Variants in CCDC141 observed in about 807,000 individuals in gnomAD.
The protein encoded by CCDC141 is coiled-coil domain containing 141.
CCDC141 carries 168 observed loss-of-function variants against 181.0 expected under a neutral mutation model. That is an observed-to-expected ratio of 0.93 (90% CI 0.82 to 1.05). The LOEUF (loss-of-function observed/expected upper bound fraction) is 1.05. Ranked by LOEUF, CCDC141 falls within the 50% of genes least tolerant of loss-of-function variation. CCDC141 has a pLI of 0.00. For synonymous variants in CCDC141, 666 were observed against 642.3 expected, an observed-to-expected ratio of 1.04 and a Z score of -0.56; for missense variants, 1,902 against 1,788.5, an observed-to-expected ratio of 1.06 and a Z score of -1.14.
At chr2:179,033,232 A>G (rs974357613) in intron 2 of CCDC141, among the ~76,000 whole-genome samples, 3 of 149,078 alleles carry the variant, frequency 2.0e-5, no homozygotes, top group Non-Finnish European at 4.5e-5. Context: ...ATATTCAGAA[A>G]GAAATAACAT....
chr2:179,015,134 A>ATATATATCATC, intron 2 of CCDC141, among the ~76,000 whole-genome samples: 1 of 90,684 alleles, frequency 1.1e-5, no homozygotes, highest in Non-Finnish European at 2.1e-5. Context: ...TATATATCAT[A>ATATATATCATC]TCATATATAT....
chr2:179,015,338 TCATATATGTATCATACATATCC>T (rs1559049397), intron 2 of CCDC141, among the ~76,000 whole-genome samples: 1 of 117,844 alleles, frequency 8.5e-6, no homozygotes, highest in African/African-American at 3.1e-5. Flanking sequence ...CATACATATC[TCATATATGTATCATACATATCC>T]CATATATGTA....
In CCDC141 at chr2:178,865,979, A is replaced by T; in HGVS notation, c.2575-63T>A. 4.0e-6 allele frequency: 5 copies of T among 1,237,304 alleles called. No homozygotes were observed. The South Asian group carries it at 1.5e-4, about 37-fold the overall frequency. 76.6% of individuals were successfully genotyped at this position (1,237,304 alleles called of 1,614,324 possible). ...GAAACAGCAATAAGACGAGTAGGCTATTTACCTGAATTATGAAACTCATAA... is the reference window on the plus strand; with the variant it reads ...GAAACAGCAATAAGACGAGTAGGCTTTTTACCTGAATTATGAAACTCATAA... On this transcript the variant is annotated intron_variant, in intron 16 of 23. Coordinates refer to ENST00000443758, the MANE Select transcript of CCDC141 (RefSeq NM_173648.4).
At chr2:178,944,452 C>G (rs1056870886) in intron 6 of CCDC141, 83 bp downstream of exon 6, 2 of 553,976 alleles carry the variant, frequency 3.6e-6, no homozygotes, top group Non-Finnish European at 3.0e-6. Context: ...TCTCAGTTCT[C>G]CTCTAAATTA....
At chr2:178,961,682 C>T (rs557328888) in intron 4 of CCDC141, among the ~76,000 whole-genome samples, 199 bp from the exon 5 acceptor site, 1 of 152,284 alleles carries the variant, frequency 6.6e-6, no homozygotes, top group Non-Finnish European at 1.5e-5. Context: ...CTTAGCCGAA[C>T]AATTGTGATA....
At chr2:178,850,194 G>T in intron 20 of CCDC141, 33 bp from the exon 21 acceptor site, 1 of 1,194,596 alleles carries the variant, frequency 8.4e-7, no homozygotes, top group Non-Finnish European at 1.2e-6. Flanking sequence ...TAGTTTTAAA[G>T]GTCAAATTTT....
rs764854799 is a variant in CCDC141 at position 178,918,689 on chromosome 2, T to A, written c.1092+24A>T. ...TACTGGTCTGCCTGATTACCGAAAA[T>A]TATCAACTTGACCTCACACTGACCT... is the stretch of plus-strand genomic sequence containing the variant. On this transcript the variant is annotated intron_variant, in intron 7 of 23. Transcript: ENST00000443758. 41 of 1,540,892 alleles carry A rather than the reference T, an allele frequency of 2.7e-5. 1 individual carries two copies. The South Asian group carries it at 4.7e-4, about 18-fold the overall frequency.
rs575923093 is a variant in CCDC141, at chr2:178,833,402, A to C, written c.*771T>G. The C allele has an allele frequency of 6.6e-6, 1 of 152,354 alleles. No homozygotes were observed. The highest frequency in any genetic ancestry group is 2.1e-4 in the South Asian group (1 of 4,830). 9.4% of individuals were successfully genotyped at this position (152,354 alleles called of 1,614,324 possible). ...GCCATAAAGTATAAAAATGGTCATCAGCAGAATCAAGATTAGAAGCAGAAA... is the reference window on the plus strand; with the variant it reads ...GCCATAAAGTATAAAAATGGTCATCCGCAGAATCAAGATTAGAAGCAGAAA... On this transcript the variant is annotated 3_prime_UTR_variant, in exon 24 of 24. Coordinates refer to ENST00000443758, the MANE Select transcript of CCDC141 (RefSeq NM_173648.4).
chr2:178,977,261 A>C (rs1391520919), intron 3 of CCDC141, among the ~76,000 whole-genome samples: 1 of 152,182 alleles, frequency 6.6e-6, no homozygotes, highest in Non-Finnish European at 1.5e-5. Context: ...ATCATGGAGA[A>C]AATAAGCTAC....
chr2:178,890,291 T>A (rs868060446), intron 8 of CCDC141, among the ~76,000 whole-genome samples: 1 of 152,162 alleles, frequency 6.6e-6, no homozygotes, highest in African/African-American at 2.4e-5. Context: ...ACCTCTGAGT[T>A]GCCCTGTGTG....
At chr2:178,914,577 T>C (rs1688359227) in intron 7 of CCDC141, among the ~76,000 whole-genome samples, 1 of 152,206 alleles carries the variant, frequency 6.6e-6, no homozygotes, top group Admixed American at 6.5e-5. Flanking sequence ...AGGTAATCAA[T>C]TGCACTCCTG....
intron 2 of CCDC141, among the ~76,000 whole-genome samples, chr2:179,019,754 TTTA>T (rs1305293184): frequency 6.6e-6 from 1 of 151,544 alleles, no homozygotes; most frequent in Non-Finnish European, 1.5e-5. Flanking sequence ...TTTATAAATA[TTTA>T]TTATTTATTT....
intron 2 of CCDC141, among the ~76,000 whole-genome samples, chr2:179,040,742 C>T (rs1215693507): frequency 6.6e-6 from 1 of 152,198 alleles, no homozygotes; most frequent in East Asian, 1.9e-4. Context: ...ACATCATATT[C>T]CATGTTATAT....
chr2:178,842,748 A>G (rs892393612), intron 22 of CCDC141, among the ~76,000 whole-genome samples: 3 of 152,258 alleles, frequency 2.0e-5, no homozygotes, highest in African/African-American at 7.2e-5. Context: ...GATATTAAGC[A>G]TAGGACTTGG....
In CCDC141 at chr2:178,837,318, T is replaced by G. The variant is rs774155935; in HGVS notation, c.3901A>C (p.Thr1301Pro). The G allele has an allele frequency of 3.1e-6, 5 of 1,613,856 alleles. No homozygotes were observed. The South Asian group carries it at 5.5e-5, about 18-fold the overall frequency. ...CTCTTTTCCACGAATCCTCTGGAGG[T>G]TAGTGGGGGCTCAGCTTTGAACTGG... ...YLQFKAEPPLTSRGFVEKSTA... is the reference protein window; with the variant it reads ...YLQFKAEPPLPSRGFVEKSTA... The change falls in exon 23 of 24, where the codon ACC (threonine) becomes CCC (proline). Residue 1301 changes from threonine to proline, a missense_variant. By Grantham distance (38) the Thr-to-Pro change is conservative. Transcript: ENST00000443758.
At chr2:179,001,378 G>A (rs1185997174) in intron 2 of CCDC141, among the ~76,000 whole-genome samples, 1 of 152,186 alleles carries the variant, frequency 6.6e-6, no homozygotes, top group African/African-American at 2.4e-5. Flanking sequence ...CTGATGTGCA[G>A]CTGCAGTGTC....
At chr2:178,941,607 A>G (rs1277693290) in intron 6 of CCDC141, among the ~76,000 whole-genome samples, 1 of 152,090 alleles carries the variant, frequency 6.6e-6, no homozygotes, top group East Asian at 1.9e-4. Flanking sequence ...AGAATGCTTC[A>G]CATAAATAAA....
chr2:178,880,130 G>A (rs545195860), intron 11 of CCDC141, among the ~76,000 whole-genome samples: 11 of 152,314 alleles, frequency 7.2e-5, no homozygotes, highest in Non-Finnish European at 1.6e-4. Flanking sequence ...TCAGTTATGT[G>A]CAATTCTCAA....
At chr2:178,975,628 A>G (rs947123955) in intron 3 of CCDC141, among the ~76,000 whole-genome samples, 2 of 152,168 alleles carry the variant, frequency 1.3e-5, no homozygotes, top group Non-Finnish European at 1.5e-5. Context: ...TCACTTAGAG[A>G]GAAGGTAGAA....
Sources: gnomAD v4.1 joint callset for allele counts (sites outside exome capture counted in the v4.1 genomes callset) on GRCh38, gnomAD v4.1.1 for gene constraint, MANE v1.5 for transcripts, NCBI Gene and HGNC (gene_info 2026-07-23, HGNC 2026-07-21) for gene names.